ARHGEF11: variants seen among roughly 807,000 people sequenced by gnomAD.
ARHGEF11 encodes Rho guanine exchange factor (GEF) 11.
A neutral mutation model predicts 193.7 loss-of-function variants in ARHGEF11; 55 were observed. The ratio of observed to expected loss-of-function variants is 0.28; its 90% CI spans 0.23 to 0.36. ARHGEF11 has a LOEUF of 0.36. Ranked by LOEUF, ARHGEF11 falls within the 10% of genes least tolerant of loss-of-function variation. The pLI is 1.00. For missense variants in ARHGEF11, 1,723 were observed against 2,005.6 expected, an observed-to-expected ratio of 0.86 and a Z score of 2.69; for synonymous variants, 693 against 768.0, an observed-to-expected ratio of 0.90 and a Z score of 1.62.
At chr1:156,979,670 G>T (rs1663841911) in intron 4 of ARHGEF11, among the ~76,000 whole-genome samples, 1 of 152,122 alleles carries the variant, frequency 6.6e-6, no homozygotes, top group Admixed American at 6.5e-5. Flanking sequence ...GGCCCAAAAT[G>T]CCATGTTTTT....
At chr1:157,007,587 A>G (rs1667980354) in intron 1 of ARHGEF11, among the ~76,000 whole-genome samples, 1 of 152,204 alleles carries the variant, frequency 6.6e-6, no homozygotes, top group East Asian at 1.9e-4. Flanking sequence ...GTATGTGCAC[A>G]CAGAAGTGAG....
intron 1 of ARHGEF11, among the ~76,000 whole-genome samples, chr1:156,986,825 T>C (rs1308268002): frequency 6.6e-6 from 1 of 152,174 alleles, no homozygotes; most frequent in African/African-American, 2.4e-5. Flanking sequence ...TTGCACACTT[T>C]CTAGAAAAGA....
intron 3 of ARHGEF11, among the ~76,000 whole-genome samples, chr1:156,980,864 T>G (rs12134963): frequency 0.032 from 4,390 of 138,042 alleles, 158 homozygotes; most frequent in Non-Finnish European, 0.051. Flanking sequence ...GTTTACTGTA[T>G]GAAACATAAT....
intron 1 of ARHGEF11, among the ~76,000 whole-genome samples, chr1:156,986,802 G>A (rs1253405269): frequency 6.6e-6 from 1 of 152,140 alleles, no homozygotes; most frequent in Non-Finnish European, 1.5e-5. Context: ...AAGCCCGCTG[G>A]GTAACTGGCA....
chr1:156,938,432 C>G lies in ARHGEF11; in HGVS notation c.4178G>C (p.Gly1393Ala). Residue 1393 changes from glycine (G) to alanine (A), a missense_variant, in exon 38 of 41, where the codon GGA (glycine) becomes GCA (alanine). Gly to Ala is a moderately conservative substitution (Grantham distance 60). Around this residue, in one of 5 missense-constraint regions of ARHGEF11, gnomAD observed 360 missense variants for 344.4 expected, o/e 1.05. Coordinates refer to ENST00000368194, the MANE Select transcript of ARHGEF11 (RefSeq NM_198236.3). ...SEPGPPEVEG[G>A]TKATGNCFYV... ...AAAGTTATTACCCGTAGCCTTTGTT[C>G]CGCCTTCCACTTCAGGTGGCCCAGG... 1 of 1,613,696 alleles carries G rather than the reference C, an allele frequency of 6.2e-7. No homozygotes were observed. Among genetic ancestry groups the G allele is most frequent in the Non-Finnish European group, 8.5e-7 (1 of 1,179,734 alleles).
intron 1 of ARHGEF11, among the ~76,000 whole-genome samples, chr1:157,035,057 C>T (rs752068038): frequency 2.0e-5 from 3 of 152,092 alleles, no homozygotes; most frequent in Non-Finnish European, 4.4e-5. Flanking sequence ...GTAATGAGAC[C>T]TACGATTATT....
intron 1 of ARHGEF11, among the ~76,000 whole-genome samples, chr1:157,000,283 A>G (rs1354679544): frequency 1.3e-5 from 2 of 152,166 alleles, no homozygotes; most frequent in Non-Finnish European, 2.9e-5. Context: ...ATCTTGTTTT[A>G]CCTAATGTTT....
In ARHGEF11 at chr1:156,940,187, CA is replaced by C; in HGVS notation, c.3733+19del. 6.5e-7 allele frequency: 1 copy of C among 1,549,824 alleles called. No individual in the cohort carries two copies. Among genetic ancestry groups the C allele is most frequent in the Non-Finnish European group, 8.7e-7 (1 of 1,145,862 alleles). ...GCGACTGGGGACCAGGGGCTGACGG[CA>C]GGGCCTTGAAGCACTCACCATCTTC... is the stretch of plus-strand genomic sequence containing the variant. On this transcript the variant is annotated intron_variant, in intron 36 of 40. Coordinates refer to ENST00000368194, the MANE Select transcript of ARHGEF11 (RefSeq NM_198236.3).
At chr1:156,973,052 T>C (rs992195854) in intron 7 of ARHGEF11, among the ~76,000 whole-genome samples, 2 of 152,144 alleles carry the variant, frequency 1.3e-5, no homozygotes, top group Non-Finnish European at 2.9e-5. Flanking sequence ...CTTTTTTTTC[T>C]TTTTTTGTAA....
At chr1:156,936,702 CA>C (rs1655433622) in intron 40 of ARHGEF11, 113 bp downstream of exon 40, 1 of 1,251,274 alleles carries the variant, frequency 8.0e-7, no homozygotes, top group Admixed American at 2.3e-5. Flanking sequence ...TCGTTTCACT[CA>C]AGGGGAAACC....
chr1:156,957,189 A>G (rs1660072768), intron 18 of ARHGEF11, among the ~76,000 whole-genome samples: 1 of 152,190 alleles, frequency 6.6e-6, no homozygotes, highest in Non-Finnish European at 1.5e-5. Context: ...CTATGCATTC[A>G]ATGCAGCAAG....
chr1:156,963,951 GT>G (rs1376876043), intron 11 of ARHGEF11, among the ~76,000 whole-genome samples: 8 of 152,300 alleles, frequency 5.3e-5, no homozygotes, highest in African/African-American at 1.7e-4. Flanking sequence ...GTTGGGGGCT[GT>G]TTTACTTAAT....
chr1:156,969,510 T>C, intron 9 of ARHGEF11, 152 bp from the exon 10 acceptor site: 2 of 701,108 alleles, frequency 2.9e-6, no homozygotes, highest in Non-Finnish European at 2.4e-6. Context: ...CCATGACCTC[T>C]AGACTCGGAC....
Position 156,938,492 on chromosome 1 carries a change from A to G in ARHGEF11, c.4118T>C (p.Val1373Ala). 1.2e-6 allele frequency: 2 copies of G among 1,613,242 alleles called. No individual in the cohort carries two copies. The change falls in exon 38 of 41, where the codon GTT becomes GCT. Residue 1373 changes from valine to alanine, a missense_variant. Transcript: ENST00000368194. ...VRKAEVAGSK[V>A]VPALPESGQS... ...GCCACTCTCTGGTAGTGCAGGGACA[A>G]CCTTGCTGCCTGCCACCTCAGCTGC... is the stretch of plus-strand genomic sequence containing the variant.
intron 4 of ARHGEF11, among the ~76,000 whole-genome samples, chr1:156,979,538 G>A (rs968964391): frequency 6.6e-6 from 1 of 151,904 alleles, no homozygotes; most frequent in Admixed American, 6.6e-5. Flanking sequence ...CTAATTTTTT[G>A]TATTTTTAGG....
At chr1:156,986,322 G>C (rs1435667154) in intron 1 of ARHGEF11, 149 bp from the exon 2 acceptor site, 2 of 604,016 alleles carry the variant, frequency 3.3e-6, no homozygotes, top group African/African-American at 3.7e-5. Context: ...TAGGACATTA[G>C]CCATGTGTAC....
chr1:156,968,279 T>C (rs1490944971), intron 10 of ARHGEF11, among the ~76,000 whole-genome samples, 155 bp from the exon 11 acceptor site: 1 of 152,244 alleles, frequency 6.6e-6, no homozygotes, highest in East Asian at 1.9e-4. Flanking sequence ...AGCCCTTCAT[T>C]ACACATTATC....
At chr1:157,013,259 T>TCTCACACACACACACACA (rs1553228459) in intron 1 of ARHGEF11, among the ~76,000 whole-genome samples, 1,435 of 109,544 alleles carry the variant, frequency 0.013, 39 homozygotes, top group Admixed American at 0.036. Context: ...CTCCCCACTA[T>TCTCACACACACACACACA]CACTCACACA....
intron 1 of ARHGEF11, among the ~76,000 whole-genome samples, chr1:156,987,215 C>T (rs1004422339): frequency 6.6e-6 from 1 of 152,208 alleles, no homozygotes; most frequent in Non-Finnish European, 1.5e-5. Context: ...AAGTAGAAGG[C>T]TACTCATGGA....
Sources: allele counts gnomAD v4.1 joint callset (sites outside exome capture counted in the v4.1 genomes callset), GRCh38; gene constraint gnomAD v4.1.1; regional missense constraint gnomAD v4.1.1; transcripts MANE v1.5; gene names NCBI Gene and HGNC (gene_info 2026-07-23, HGNC 2026-07-21).